The following PEX14 variants were observed in gnomAD, a reference collection of about 807,000 sequenced individuals.
PEX14 encodes peroxisomal membrane protein PEX14.
In PEX14, 15 loss-of-function variants were observed where a neutral mutation model predicts 49.5. That is an observed-to-expected ratio of 0.30 (90% confidence interval 0.20 to 0.47). The LOEUF (loss-of-function observed/expected upper bound fraction) is 0.47, where lower values mean the gene tolerates loss of function less well. Among genes scored for constraint, PEX14 ranks in the 20% least tolerant of loss-of-function variants. The pLI, the probability that PEX14 is intolerant of heterozygous loss-of-function variation, is 1.00. For missense variants in PEX14, 398 were observed against 494.8 expected (o/e 0.80, Z 1.86); for synonymous variants, 210 against 212.7 (o/e 0.99, Z 0.11).
intron 3 of PEX14, among the ~76,000 whole-genome samples, chr1:10,556,283 C>A (rs904134851): frequency 1.3e-5 from 2 of 152,164 alleles, no homozygotes; most frequent in Admixed American, 1.3e-4. Flanking sequence ...TGCTCCATGT[C>A]TCCCTATATC....
At chr1:10,570,801 A>G (rs1477127169) in intron 3 of PEX14, among the ~76,000 whole-genome samples, 1 of 151,364 alleles carries the variant, frequency 6.6e-6, no homozygotes, top group Non-Finnish European at 1.5e-5. Context: ...TATGTGTTCA[A>G]GCTGCTATGT....
chr1:10,579,652 G>C (rs1640253231), intron 3 of PEX14, among the ~76,000 whole-genome samples: 1 of 152,162 alleles, frequency 6.6e-6, no homozygotes, highest in Non-Finnish European at 1.5e-5. Context: ...GCCAGACGGG[G>C]TGGATTATTC....
At chr1:10,612,923 G>A (rs1570350603) in intron 4 of PEX14, among the ~76,000 whole-genome samples, 2 of 152,224 alleles carry the variant, frequency 1.3e-5, no homozygotes, top group Admixed American at 1.3e-4. Flanking sequence ...GACCTCAATG[G>A]GCTGGCCCCG....
intron 2 of PEX14, among the ~76,000 whole-genome samples, chr1:10,532,304 A>G (rs767610778): frequency 3.3e-5 from 5 of 151,156 alleles, no homozygotes; most frequent in Non-Finnish European, 7.4e-5. Flanking sequence ...CATAGTGAAA[A>G]TTATGAAATT....
intron 2 of PEX14, chr1:10,517,195 C>G (rs192357750): frequency 1.4e-5 from 2 of 140,068 alleles, no homozygotes; most frequent in Non-Finnish European, 3.2e-5. Context: ...TCACACCCAG[C>G]AAAGCTGCTT....
chr1:10,589,710 G>A (rs1281169035), intron 3 of PEX14, among the ~76,000 whole-genome samples: 10 of 152,180 alleles, frequency 6.6e-5, no homozygotes, highest in Non-Finnish European at 1.3e-4. Context: ...ACTGAGCCTG[G>A]CTTTCTACAT....
chr1:10,522,009 A>T (rs939577678), intron 2 of PEX14, among the ~76,000 whole-genome samples: 2 of 152,174 alleles, frequency 1.3e-5, no homozygotes, highest in Non-Finnish European at 2.9e-5. Context: ...AAGCGCTGCC[A>T]TATTTGATTG....
At chr1:10,519,536 T>C (rs1321080986) in intron 2 of PEX14, among the ~76,000 whole-genome samples, 2 of 152,154 alleles carry the variant, frequency 1.3e-5, no homozygotes, top group Non-Finnish European at 2.9e-5. Flanking sequence ...AAAAAACATT[T>C]TGAAGGCCAC....
intron 4 of PEX14, among the ~76,000 whole-genome samples, chr1:10,606,914 A>G (rs1181738561): frequency 6.6e-6 from 1 of 152,158 alleles, no homozygotes; most frequent in East Asian, 1.9e-4. Context: ...ACCCATTTTA[A>G]TTGTACAATT....
intron 2 of PEX14, among the ~76,000 whole-genome samples, chr1:10,532,738 C>T (rs1460753231): frequency 3.3e-5 from 5 of 152,166 alleles, no homozygotes; most frequent in Admixed American, 6.5e-5. Flanking sequence ...TAGTCACATT[C>T]ATCTTCTAAT....
At chr1:10,583,310 C>T (rs960377917) in intron 3 of PEX14, among the ~76,000 whole-genome samples, 1 of 151,116 alleles carries the variant, frequency 6.6e-6, no homozygotes, top group African/African-American at 2.4e-5. Flanking sequence ...GCCTTGACCT[C>T]CTGGGCTCAA....
chr1:10,505,323 T>C (rs1641762990), intron 2 of PEX14, among the ~76,000 whole-genome samples: 2 of 151,804 alleles, frequency 1.3e-5, no homozygotes, highest in African/African-American at 4.8e-5. Context: ...ATGCAAAAAT[T>C]AGTGGGACAT....
At chr1:10,485,128 G>A (rs1302936075) in intron 1 of PEX14, among the ~76,000 whole-genome samples, 3 of 151,576 alleles carry the variant, frequency 2.0e-5, no homozygotes, top group African/African-American at 4.9e-5. Flanking sequence ...GAGTATTTGT[G>A]TATGTGTAAG....
intron 5 of PEX14, 59 bp downstream of exon 5, chr1:10,618,476 C>T (rs1641496159): frequency 2.3e-6 from 3 of 1,283,318 alleles, no homozygotes; most frequent in Non-Finnish European, 2.3e-6. Context: ...GCATTCAGCA[C>T]CCTTTCACTG....
Position 10,624,849 on chromosome 1 carries a change from C to T in PEX14, c.585+412C>T, listed in dbSNP as rs913523075. On this transcript the variant is annotated intron_variant, in intron 7 of 8. Transcript: ENST00000356607. ...TGGAACAGACAGGGGAGAAGCGAGT[C>T]GCAGTCAGTTCACCAGCACCAGCCC... 5.3e-5 allele frequency among the ~76,000 whole-genome samples: 8 copies of T among 152,108 alleles called. No homozygotes were observed. In the East Asian group the frequency reaches 9.6e-4, roughly 18 times the overall value.
intron 3 of PEX14, among the ~76,000 whole-genome samples, chr1:10,555,378 G>C (rs917468648): frequency 1.3e-5 from 2 of 151,990 alleles, no homozygotes; most frequent in Admixed American, 6.5e-5. Flanking sequence ...CGGGGGGAGA[G>C]ATGGGGAAAA....
Position 10,480,870 on chromosome 1 carries a change from T to TA in PEX14, c.36+5868_36+5869insA, listed in dbSNP as rs1491460000. Reference sequence around the variant, plus strand: ...CTCTCTCTCTCTCTCTATATATATATTTTTTTTTTTGGAAGGATTTGTGGT... The same window carrying TA: ...CTCTCTCTCTCTCTCTATATATATATATTTTTTTTTTGGAAGGATTTGTGGT... On this transcript the variant is annotated intron_variant, in intron 1 of 8. Coordinates refer to ENST00000356607, the MANE Select transcript of PEX14 (RefSeq NM_004565.3). Among the ~76,000 whole-genome samples, 152 of 132,376 alleles carry TA rather than the reference T, an allele frequency of 1.1e-3. 1 individual carries two copies. Among genetic ancestry groups the TA allele is most frequent in the Middle Eastern group, 4.0e-3 (1 of 252 alleles). 86.8% of individuals were successfully genotyped at this position (132,376 alleles called of 152,430 possible).
chr1:10,485,790 G>A (rs1448653393), intron 1 of PEX14, among the ~76,000 whole-genome samples: 1 of 143,374 alleles, frequency 7.0e-6, no homozygotes, highest in African/African-American at 2.7e-5. Flanking sequence ...GACTCATGCT[G>A]TGTCACCCAG....
Position 10,515,419 on chromosome 1 carries a change from G to A in PEX14, c.84+20098G>A, listed in dbSNP as rs137966587. 6.0e-4 allele frequency among the ~76,000 whole-genome samples: 91 copies of A among 152,244 alleles called. 2 individuals are homozygous for A. In the East Asian group the frequency reaches 9.3e-3, roughly 16 times the overall value. ...GCGCAAGCAGGAATTTGAGGCCGAG[G>A]CTGTTCTGAGGTAAGGGATTGGTCC... is the stretch of plus-strand genomic sequence containing the variant. On this transcript the variant is annotated intron_variant, in intron 2 of 8. Coordinates refer to ENST00000356607, the MANE Select transcript of PEX14 (RefSeq NM_004565.3).
Sources: allele counts gnomAD v4.1 joint callset (sites outside exome capture counted in the v4.1 genomes callset), GRCh38; gene constraint gnomAD v4.1.1; transcripts MANE v1.5; gene names NCBI Gene and HGNC (gene_info 2026-07-23, HGNC 2026-07-21).